The following LOC400499 variants were observed in gnomAD, a reference collection of about 807,000 sequenced individuals.
At chr16:11,379,769 GTT>G in the LOC400499 span, among the ~76,000 whole-genome samples, 2 of 152,146 alleles carry the variant, frequency 1.3e-5, no homozygotes. Context: ...TTTAATTGAT[GTT>G]TTTATTGTGA....
chr16:11,459,814 G>C, the LOC400499 span: 1 of 1,228,150 alleles, frequency 8.1e-7, no homozygotes, highest in East Asian at 3.1e-5. Context: ...GCCAGGGCCA[G>C]AGGGCCATGT....
At chr16:11,466,921 T>TTG in the LOC400499 span, among the ~76,000 whole-genome samples, 2,014 of 151,196 alleles carry the variant, frequency 0.013, 46 homozygotes, top group African/African-American at 0.046. Context: ...TATATGTGTA[T>TTG]TGTGTGTGTG....
the LOC400499 span, chr16:11,462,284 G>C: frequency 6.6e-7 from 1 of 1,507,194 alleles, no homozygotes; most frequent in Non-Finnish European, 8.9e-7. Flanking sequence ...ACCCATGGCT[G>C]GCTGCAGGTC....
At chr16:11,447,298 G>A in the LOC400499 span, among the ~76,000 whole-genome samples, 2 of 152,138 alleles carry the variant, frequency 1.3e-5, no homozygotes, top group East Asian at 1.9e-4. Flanking sequence ...TCTGTAAAAC[G>A]GAGGCTAAAA....
the LOC400499 span, among the ~76,000 whole-genome samples, chr16:11,426,536 A>T: frequency 6.6e-6 from 1 of 152,170 alleles, no homozygotes; most frequent in African/African-American, 2.4e-5. Context: ...AAGAATGAGA[A>T]CAAGGTAAGA....
chr16:11,448,515 AAAACAAACAAAC>A, the LOC400499 span, among the ~76,000 whole-genome samples: 2,814 of 56,112 alleles, frequency 0.05, 52 homozygotes, highest in African/African-American at 0.083. Context: ...CGTGTCTGCT[AAAACAAACAAAC>A]AAACAAACAA....
the LOC400499 span, chr16:11,425,583 T>A: frequency 5.0e-6 from 2 of 397,504 alleles, no homozygotes; most frequent in Middle Eastern, 6.2e-4. Flanking sequence ...ATTTGTGAAA[T>A]CCATCAGAGT....
chr16:11,458,477 T>C, the LOC400499 span, among the ~76,000 whole-genome samples: 1 of 146,132 alleles, frequency 6.8e-6, no homozygotes, highest in Non-Finnish European at 1.5e-5. Context: ...TGTACTCCAG[T>C]GTGGGCAACA....
chr16:11,408,120 T>C, the LOC400499 span, among the ~76,000 whole-genome samples: 5 of 152,134 alleles, frequency 3.3e-5, no homozygotes, highest in Admixed American at 2.0e-4. Context: ...GTAACCAAGA[T>C]TACAGGCATG....
At chr16:11,503,950 TC>T in the LOC400499 span, among the ~76,000 whole-genome samples, 3 of 152,226 alleles carry the variant, frequency 2.0e-5, no homozygotes, top group African/African-American at 7.2e-5. Flanking sequence ...CCTAATGGGC[TC>T]GGCCACATTT....
the LOC400499 span, among the ~76,000 whole-genome samples, chr16:11,385,818 G>A: frequency 2.2e-4 from 33 of 152,174 alleles, no homozygotes; most frequent in Admixed American, 5.2e-4. Context: ...TTTTAAAATC[G>A]ACTGTGGTGA....
At chr16:11,465,445 A>T in the LOC400499 span, 1 of 152,162 alleles carries the variant, frequency 6.6e-6, no homozygotes, top group African/African-American at 2.4e-5. Flanking sequence ...GAAGTTTTCA[A>T]CCTTCTTCGC....
the LOC400499 span, chr16:11,516,048 G>A: frequency 2.3e-4 from 92 of 399,192 alleles, 1 homozygote; most frequent in Admixed American, 2.9e-3. Context: ...GTAGGACATC[G>A]GCCCAGGATG....
At chr16:11,413,051 G>A in the LOC400499 span, 3 of 397,210 alleles carry the variant, frequency 7.6e-6, no homozygotes, top group South Asian at 1.4e-4. Flanking sequence ...AGCCCAGCAC[G>A]TCCCTGTCCC....
At chr16:11,446,481 T>C in the LOC400499 span, 38 of 1,395,798 alleles carry the variant, frequency 2.7e-5, no homozygotes, top group Non-Finnish European at 3.3e-5. Context: ...TTCAATCCTA[T>C]TGAGCGATGA....
At chr16:11,427,252 A>G in the LOC400499 span, among the ~76,000 whole-genome samples, 1 of 150,046 alleles carries the variant, frequency 6.7e-6, no homozygotes, top group Non-Finnish European at 1.5e-5. Context: ...AATCCCAGCT[A>G]CTTGGGAGGC....
the LOC400499 span, chr16:11,462,153 G>A: frequency 3.9e-6 from 6 of 1,529,746 alleles, no homozygotes; most frequent in Non-Finnish European, 4.4e-6. Context: ...AGATGGCTCA[G>A]CGATGCGGAG....
the LOC400499 span, among the ~76,000 whole-genome samples, chr16:11,428,876 G>A: frequency 6.6e-6 from 1 of 152,028 alleles, no homozygotes; most frequent in African/African-American, 2.4e-5. Context: ...TGGGGGGCAC[G>A]TGGGTGTTTG....
chr16:11,432,786 C>A, the LOC400499 span, among the ~76,000 whole-genome samples: 11 of 152,200 alleles, frequency 7.2e-5, no homozygotes, highest in African/African-American at 2.4e-4. Context: ...TGTGTGTGCA[C>A]TTCCTGAGGG....
Sources: allele counts gnomAD v4.1 joint callset (sites outside exome capture counted in the v4.1 genomes callset), GRCh38; gene constraint gnomAD v4.1.1; transcripts MANE v1.5.